Variants in MAGI2 observed in about 807,000 individuals in gnomAD.
MAGI2 encodes membrane-associated guanylate kinase, WW and PDZ domain-containing protein 2.
In MAGI2, 35 loss-of-function variants were observed where a neutral mutation model predicts 133.3. The ratio of observed to expected loss-of-function variants is 0.26; its 90% CI spans 0.20 to 0.35. MAGI2 has a LOEUF of 0.35. MAGI2 is among the 10% of genes least tolerant of loss of function. MAGI2 has a pLI of 1.00. For missense variants in MAGI2, 1,636 were observed against 1,863.4 expected (o/e 0.88, Z 2.25); for synonymous variants, 729 against 710.6 (o/e 1.03, Z -0.41).
chr7:79,449,357 T>G (rs1188281864), intron 1 of MAGI2, among the ~76,000 whole-genome samples: 1 of 151,650 alleles, frequency 6.6e-6, no homozygotes, highest in Non-Finnish European at 1.5e-5. Flanking sequence ...ATTAGAATTT[T>G]TTTTTTTTTT....
intron 20 of MAGI2, among the ~76,000 whole-genome samples, chr7:78,124,309 G>A (rs142357874): frequency 3.3e-5 from 5 of 152,330 alleles, no homozygotes; most frequent in African/African-American, 9.6e-5. Flanking sequence ...ATCAGGGCTA[G>A]ACGGGGTAAG....
chr7:78,250,941 AAAC>A (rs1792321106), intron 10 of MAGI2, among the ~76,000 whole-genome samples: 1 of 152,108 alleles, frequency 6.6e-6, no homozygotes, highest in Admixed American at 6.5e-5. Context: ...CATGAAAAGA[AAAC>A]AACAGAAAAA....
chr7:78,606,850 GCTTT>G (rs1200279308), intron 3 of MAGI2, among the ~76,000 whole-genome samples: 1 of 151,888 alleles, frequency 6.6e-6, no homozygotes, highest in Admixed American at 6.6e-5. Context: ...TATGTTTTCT[GCTTT>G]CTGTGTATCT....
intron 3 of MAGI2, among the ~76,000 whole-genome samples, chr7:78,572,480 A>G (rs1420057735): frequency 6.6e-6 from 1 of 152,094 alleles, no homozygotes; most frequent in African/African-American, 2.4e-5. Context: ...GTATTCATAT[A>G]ATTGTTCAGA....
chr7:79,112,699 AT>A (rs57576485), intron 1 of MAGI2, among the ~76,000 whole-genome samples: 3,297 of 152,042 alleles, frequency 0.022, 128 homozygotes, highest in African/African-American at 0.073. Flanking sequence ...CTTAAATGCC[AT>A]TTTTTTTGTA....
At chr7:78,725,210 T>C (rs143024984) in intron 2 of MAGI2, among the ~76,000 whole-genome samples, 7 of 152,338 alleles carry the variant, frequency 4.6e-5, no homozygotes, top group African/African-American at 1.7e-4. Context: ...TTATGGTTTT[T>C]AGGGCCCAAG....
intron 21 of MAGI2, among the ~76,000 whole-genome samples, chr7:78,074,341 A>G (rs1417479925): frequency 6.6e-6 from 1 of 152,032 alleles, no homozygotes; most frequent in Non-Finnish European, 1.5e-5. Context: ...CACCTTGAGA[A>G]CTCAGAGTGA....
chr7:78,493,079 A>G (rs1450713797), intron 5 of MAGI2, among the ~76,000 whole-genome samples: 2 of 152,184 alleles, frequency 1.3e-5, no homozygotes, highest in Non-Finnish European at 2.9e-5. Flanking sequence ...GCATATCCCA[A>G]ACTCTTCTCT....
intron 3 of MAGI2, among the ~76,000 whole-genome samples, chr7:78,589,304 A>G (rs1437871228): frequency 1.3e-5 from 2 of 152,208 alleles, no homozygotes; most frequent in Non-Finnish European, 2.9e-5. Flanking sequence ...ACAAAACCCC[A>G]GTGAGGGAGG....
chr7:78,722,210 T>C (rs1003584146), intron 2 of MAGI2, among the ~76,000 whole-genome samples: 1 of 151,744 alleles, frequency 6.6e-6, no homozygotes, highest in African/African-American at 2.4e-5. Flanking sequence ...GTATAATAAA[T>C]AGCAGTAATA....
At chr7:79,325,696 G>A (rs548704343) in intron 1 of MAGI2, among the ~76,000 whole-genome samples, 1 of 152,070 alleles carries the variant, frequency 6.6e-6, no homozygotes, top group Non-Finnish European at 1.5e-5. Flanking sequence ...CCACTCGGAG[G>A]GTGTAATGAA....
At chr7:79,310,194 AAGAG>A (rs71095394) in intron 1 of MAGI2, among the ~76,000 whole-genome samples, 60 of 93,094 alleles carry the variant, frequency 6.4e-4, no homozygotes, top group African/African-American at 2.6e-3. Flanking sequence ...AAAAAAAAAA[AAGAG>A]AGAGAGAGAG....
intron 1 of MAGI2, among the ~76,000 whole-genome samples, chr7:79,304,692 T>C (rs951136864): frequency 6.6e-6 from 1 of 152,172 alleles, no homozygotes; most frequent in Non-Finnish European, 1.5e-5. Flanking sequence ...GAGCACTGAA[T>C]GTCAAATGAG....
intron 9 of MAGI2, among the ~76,000 whole-genome samples, chr7:78,332,254 G>T (rs968309269): frequency 3.3e-5 from 5 of 152,158 alleles, no homozygotes; most frequent in African/African-American, 1.2e-4. Flanking sequence ...GGTTACAAAG[G>T]CCTCTTTTTA....
intron 2 of MAGI2, among the ~76,000 whole-genome samples, chr7:78,658,995 T>C (rs1007580642): frequency 1.3e-5 from 2 of 152,160 alleles, no homozygotes; most frequent in Non-Finnish European, 2.9e-5. Flanking sequence ...ACAAGTTATA[T>C]TCACACAAAA....
chr7:78,948,764 C>T (rs781456566), intron 2 of MAGI2, among the ~76,000 whole-genome samples: 3 of 151,966 alleles, frequency 2.0e-5, no homozygotes, highest in Admixed American at 6.6e-5. Flanking sequence ...AAGCATGAAA[C>T]ATGAAGGAGA....
chr7:79,168,573 C>T (rs1206891614), intron 1 of MAGI2, among the ~76,000 whole-genome samples: 3 of 152,018 alleles, frequency 2.0e-5, no homozygotes, highest in Non-Finnish European at 1.5e-5. Flanking sequence ...GTTCTTTAAA[C>T]TCTTATAATC....
intron 2 of MAGI2, among the ~76,000 whole-genome samples, chr7:78,906,960 TG>T (rs1798038973): frequency 6.6e-6 from 1 of 152,222 alleles, no homozygotes; most frequent in Non-Finnish European, 1.5e-5. Context: ...GTTGTTACTA[TG>T]GGTGAGTCTC....
intron 16 of MAGI2, 162 bp downstream of exon 16, chr7:78,159,863 T>C: frequency 1.2e-6 from 1 of 810,336 alleles, no homozygotes; most frequent in Non-Finnish European, 1.8e-6. Context: ...AACTGTCTGC[T>C]AGTCAGTGGT....
Sources: gnomAD v4.1 joint callset for allele counts (sites outside exome capture counted in the v4.1 genomes callset) on GRCh38, gnomAD v4.1.1 for gene constraint, MANE v1.5 for transcripts, NCBI Gene and HGNC (gene_info 2026-07-23, HGNC 2026-07-21) for gene names.